MLLT1: variants seen among roughly 807,000 people sequenced by gnomAD.
MLLT1 encodes the protein protein ENL.
A neutral mutation model predicts 55.1 loss-of-function variants in MLLT1; 11 were observed. The observed-to-expected ratio is 0.20, with a 90% CI of 0.13 to 0.33. The LOEUF is 0.33. Among genes scored for constraint, MLLT1 ranks in the 10% least tolerant of loss-of-function variants. The probability of loss-of-function intolerance (pLI) is 1.00; values close to 1 mark genes in which losing one functional copy is unlikely to be tolerated. For missense variants in MLLT1, 536 were observed against 760.6 expected, an observed-to-expected ratio of 0.70 and a Z score of 3.47; for synonymous variants, 323 against 320.1, an observed-to-expected ratio of 1.01 and a Z score of -0.10.
chr19:6,233,901 G>T (rs1270562185), intron 3 of MLLT1, among the ~76,000 whole-genome samples: 2 of 150,776 alleles, frequency 1.3e-5, no homozygotes, highest in African/African-American at 2.5e-5. Flanking sequence ...GGAGACACTT[G>T]TCCCAGTGGG....
intron 3 of MLLT1, among the ~76,000 whole-genome samples, chr19:6,249,754 G>A (rs1342225537): frequency 6.6e-6 from 1 of 152,106 alleles, no homozygotes; most frequent in Admixed American, 6.6e-5. Flanking sequence ...CAAGCAAAGT[G>A]GCTCGCGCCT....
intron 6 of MLLT1, 26 bp from the exon 7 acceptor site, chr19:6,218,067 G>C: frequency 1.3e-6 from 2 of 1,589,410 alleles, no homozygotes; most frequent in Non-Finnish European, 1.7e-6. Context: ...GGATGGGCAG[G>C]GAGGGGAGAA....
Position 6,213,784 on chromosome 19 carries a change from C to T in MLLT1, c.1421G>A (p.Arg474Lys). The change falls in exon 10 of 12, where the codon AGG becomes AAG. Residue 474 changes from arginine (R) to lysine (K), a missense_variant. Arg to Lys is a conservative substitution (Grantham distance 26). Coordinates refer to ENST00000252674, the MANE Select transcript of MLLT1 (RefSeq NM_005934.4). ...AGGCTTGCTGCAGGACTCGGGGCTC[C>T]TCCGGCCTGACACCTGCAGGGAACC... ...PPPNSKVSGR[R>K]SPESCSKPEK... is the part of the protein sequence containing the mutation. 1 of 1,613,586 alleles carries T rather than the reference C, an allele frequency of 6.2e-7. No homozygotes were observed. The highest frequency in any genetic ancestry group is 8.5e-7 in the Non-Finnish European group (1 of 1,179,820).
intron 3 of MLLT1, among the ~76,000 whole-genome samples, chr19:6,236,389 G>A (rs1370032511): frequency 3.3e-5 from 5 of 152,204 alleles, no homozygotes; most frequent in Non-Finnish European, 5.9e-5. Context: ...GGCAGCAGCA[G>A]AGCCAGCGCA....
At chr19:6,254,678 T>A (rs751368983) in intron 3 of MLLT1, among the ~76,000 whole-genome samples, 8 of 151,996 alleles carry the variant, frequency 5.3e-5, no homozygotes, top group Non-Finnish European at 1.2e-4. Context: ...GGAGAACAGG[T>A]TTTTCCTTCT....
chr19:6,221,340 G>A (rs148209592), intron 6 of MLLT1, among the ~76,000 whole-genome samples: 6 of 152,316 alleles, frequency 3.9e-5, no homozygotes, highest in South Asian at 2.1e-4. Context: ...CACCACCGCC[G>A]TCCCAGGCCC....
chr19:6,237,163 C>T (rs935382079), intron 3 of MLLT1, among the ~76,000 whole-genome samples: 4 of 152,248 alleles, frequency 2.6e-5, no homozygotes, highest in African/African-American at 9.6e-5. Flanking sequence ...GCCAGGCTGG[C>T]CTTGGCACGA....
At chr19:6,251,487 T>C (rs1275104554) in intron 3 of MLLT1, among the ~76,000 whole-genome samples, 1 of 152,044 alleles carries the variant, frequency 6.6e-6, no homozygotes, top group Non-Finnish European at 1.5e-5. Flanking sequence ...TTTCGGGTGG[T>C]AGAGACACAC....
rs867019185 is a variant in MLLT1, at chr19:6,270,726, G to A, written c.46C>T (p.Arg16Cys). The A allele has an allele frequency of 1.2e-6, 2 of 1,613,452 alleles. No homozygotes were observed. Among genetic ancestry groups the A allele is most frequent in the Non-Finnish European group, 1.7e-6 (2 of 1,179,616 alleles). Residue 16 changes from arginine (R) to cysteine (C), a missense_variant, in exon 2 of 12, where the codon CGC (arginine) becomes TGC (cysteine). Around this residue, in one of 3 missense-constraint regions of MLLT1, gnomAD observed 62 missense variants for 195.8 expected, o/e 0.32. Transcript: ENST00000252674. This position sits in a 1 kb window ranked among gnomAD's most constrained non-coding sequence, Gnocchi z 7.1. The part of the protein sequence containing the change: ...TVQVRLELGH[R>C]AQLRKKPTTE... ...GTGGGCTTCTTGCGCAGTTGGGCGC[G>A]ATGCCCCAGCTCTAACCTCACCTGG...
chr19:6,268,482 A>T (rs1455942080), intron 2 of MLLT1, among the ~76,000 whole-genome samples: 1 of 152,244 alleles, frequency 6.6e-6, no homozygotes, highest in Non-Finnish European at 1.5e-5. Flanking sequence ...GGCCAGGAAC[A>T]GCAACTTTGT....
In MLLT1 at chr19:6,230,580, C is replaced by T. The variant is rs1481816585; in HGVS notation, c.410G>A (p.Arg137Gln). ...PTTEFRYKLL[R>Q]AGGVMVMPEG... is the part of the protein sequence containing the mutation. ...GCGGGGCACACTCACCCCGCCGGCC[C>T]GCAGGAGCTTGTACCGGAACTCCGT... The change falls in exon 4 of 12, where the codon CGG becomes CAG. Residue 137 changes from arginine (R) to glutamine (Q), a missense_variant. Transcript: ENST00000252674. This position sits in a 1 kb window ranked among gnomAD's most constrained non-coding sequence, Gnocchi z 9.0. The T allele has an allele frequency of 3.1e-6, 5 of 1,613,188 alleles. No homozygotes were observed. Among genetic ancestry groups the T allele is most frequent in the South Asian group, 1.1e-5 (1 of 91,070 alleles).
At position 6,216,321 on chromosome 19, in the gene MLLT1, C is replaced by G. The variant is rs572927657; in HGVS notation, c.1307+84G>C. On this transcript the variant is annotated intron_variant, in intron 8 of 11. Coordinates refer to ENST00000252674, the MANE Select transcript of MLLT1 (RefSeq NM_005934.4). Reference sequence around the variant, plus strand: ...AGGGGACCCTCCAGTCCCAACCCCACCTGCAGCCCCACAATCACTGCAGAC... The same window carrying G: ...AGGGGACCCTCCAGTCCCAACCCCAGCTGCAGCCCCACAATCACTGCAGAC... 16 of 1,023,748 alleles carry G rather than the reference C, an allele frequency of 1.6e-5. No individual in the cohort carries two copies. The African/African-American group carries it at 2.2e-4, about 14-fold the overall frequency. The allele number at this position is 1,023,748 out of a possible 1,614,324, so 63.4% of individuals were successfully genotyped here.
chr19:6,259,930 G>A (rs995297162), intron 3 of MLLT1: 1 of 151,430 alleles, frequency 6.6e-6, no homozygotes, highest in East Asian at 1.9e-4. Flanking sequence ...ATTATACCTC[G>A]ACAAACTAGA....
At chr19:6,272,883 C>T (rs527598484) in intron 1 of MLLT1, among the ~76,000 whole-genome samples, 3 of 152,324 alleles carry the variant, frequency 2.0e-5, no homozygotes, top group Admixed American at 2.0e-4. Context: ...GAGGCGGAGG[C>T]GTGCAATTTC....
intron 5 of MLLT1, among the ~76,000 whole-genome samples, chr19:6,223,334 G>A (rs1371989810): frequency 1.3e-5 from 2 of 152,210 alleles, no homozygotes; most frequent in Non-Finnish European, 2.9e-5. Context: ...CTTCTCAGAA[G>A]GGAAACCGCC....
chr19:6,277,062 C>A lies in MLLT1; in HGVS notation c.12+2711G>T, dbSNP rs981013672. On this transcript the variant is annotated intron_variant, in intron 1 of 11. Transcript: ENST00000252674. Reference sequence around the variant, plus strand: ...CTAACATTTTGTGGCATCTGGGGGGCTAGTGGGAGCGGAAGCCCGGGTTCT... The same window carrying A: ...CTAACATTTTGTGGCATCTGGGGGGATAGTGGGAGCGGAAGCCCGGGTTCT... Among the ~76,000 whole-genome samples the A allele has an allele frequency of 2.6e-5, 4 of 152,222 alleles. 1 individual carries two copies. The South Asian group carries it at 8.3e-4, about 31-fold the overall frequency.
chr19:6,272,184 A>G (rs1183700534), intron 1 of MLLT1, among the ~76,000 whole-genome samples: 1 of 150,344 alleles, frequency 6.7e-6, no homozygotes, highest in Non-Finnish European at 1.5e-5. Context: ...CTCAAGTCTG[A>G]GACGCTCGTC....
intron 7 of MLLT1, among the ~76,000 whole-genome samples, chr19:6,217,686 A>G (rs1047982814): frequency 1.3e-5 from 2 of 152,196 alleles, no homozygotes; most frequent in Non-Finnish European, 2.9e-5. Flanking sequence ...GGCCCTCACC[A>G]GAAGCCCCTC....
chr19:6,279,597 G>A (rs2091447045), intron 1 of MLLT1, among the ~76,000 whole-genome samples, 176 bp downstream of exon 1: 1 of 151,140 alleles, frequency 6.6e-6, no homozygotes, highest in Admixed American at 6.6e-5. Flanking sequence ...CCTGGCCGGG[G>A]TCGCGGATGG....
Sources: gnomAD v4.1 joint callset for allele counts (sites outside exome capture counted in the v4.1 genomes callset) on GRCh38, gnomAD v4.1.1 for gene constraint, gnomAD v4.1.1 regional missense constraint, Gnocchi (gnomAD v3.1) non-coding constraint, MANE v1.5 for transcripts, NCBI Gene and HGNC (gene_info 2026-07-23, HGNC 2026-07-21) for gene names.